Variants in AUTS2 observed in about 807,000 individuals in gnomAD.
The protein encoded by AUTS2 is autism susceptibility gene 2 protein.
In AUTS2, 17 loss-of-function variants were observed where a neutral mutation model predicts 112.4. That is an observed-to-expected ratio of 0.15 (90% CI 0.10 to 0.23). The LOEUF (loss-of-function observed/expected upper bound fraction) is 0.23, where lower values mean the gene tolerates loss of function less well. Ranked by LOEUF, AUTS2 falls within the 10% of genes least tolerant of loss-of-function variation. The pLI is 1.00. For missense variants in AUTS2, 1,510 were observed against 1,701.6 expected, an observed-to-expected ratio of 0.89 and a Z score of 1.98; for synonymous variants, 751 against 702.7, an observed-to-expected ratio of 1.07 and a Z score of -1.09.
At chr7:70,226,338 C>T (rs994776525) in intron 4 of AUTS2, among the ~76,000 whole-genome samples, 1 of 150,640 alleles carries the variant, frequency 6.6e-6, no homozygotes, top group South Asian at 2.1e-4. Context: ...GGACTACAGG[C>T]GCCCACCACC....
intron 5 of AUTS2, among the ~76,000 whole-genome samples, chr7:70,463,141 G>T (rs1444649917): frequency 6.6e-6 from 1 of 152,194 alleles, no homozygotes; most frequent in Non-Finnish European, 1.5e-5. Context: ...CTGTTTCAGG[G>T]CAGTGAGCTG....
chr7:69,693,959 ACTGTG>A (rs1487054136), intron 1 of AUTS2, among the ~76,000 whole-genome samples: 4 of 152,182 alleles, frequency 2.6e-5, no homozygotes, highest in Non-Finnish European at 5.9e-5. Context: ...GGGAACCACT[ACTGTG>A]GTCTTTACAC....
intron 2 of AUTS2, among the ~76,000 whole-genome samples, chr7:69,940,653 A>G (rs567648225): frequency 6.6e-6 from 1 of 152,282 alleles, no homozygotes; most frequent in South Asian, 2.1e-4. Context: ...TAACATGATG[A>G]GATGTAAGCT....
chr7:69,900,973 T>G (rs1273452474), intron 2 of AUTS2, among the ~76,000 whole-genome samples: 1 of 152,210 alleles, frequency 6.6e-6, no homozygotes, highest in Non-Finnish European at 1.5e-5. Flanking sequence ...TCATGGTTAC[T>G]TAACAGCTAT....
chr7:70,145,835 TC>T (rs923315562), intron 4 of AUTS2, among the ~76,000 whole-genome samples: 21 of 152,154 alleles, frequency 1.4e-4, no homozygotes, highest in African/African-American at 4.6e-4. Flanking sequence ...ACCACGCTTC[TC>T]TTTGAAGAGG....
intron 2 of AUTS2, among the ~76,000 whole-genome samples, chr7:70,079,669 A>T (rs183379700): frequency 8.7e-4 from 133 of 152,208 alleles, no homozygotes; most frequent in East Asian, 7.5e-3. Flanking sequence ...CTACAAAATG[A>T]TGTGTTATTG....
intron 4 of AUTS2, among the ~76,000 whole-genome samples, chr7:70,419,737 T>C (rs1795136775): frequency 6.6e-6 from 1 of 152,220 alleles, no homozygotes; most frequent in Non-Finnish European, 1.5e-5. Context: ...CCTCCAGAAG[T>C]ATATGAGTGT....
rs189932887 is a variant in AUTS2, at chr7:70,735,549, A to G, written c.743-27321A>G. ...GACCGCGAGGAGAGTTTTCTTCCGA[A>G]TCAAGTGAATGCGGGTGCATCACCC... On this transcript the variant is annotated intron_variant, in intron 6 of 18. Transcript: ENST00000342771. Among the ~76,000 whole-genome samples the G allele has an allele frequency of 2.6e-5, 4 of 152,246 alleles. No homozygotes were observed. In the East Asian group the frequency reaches 7.7e-4, roughly 29 times the overall value.
intron 2 of AUTS2, among the ~76,000 whole-genome samples, chr7:70,097,128 T>C (rs1338736732): frequency 6.6e-6 from 1 of 152,240 alleles, no homozygotes; most frequent in Non-Finnish European, 1.5e-5. Context: ...GAATATGATA[T>C]AAGAACAGTC....
intron 2 of AUTS2, among the ~76,000 whole-genome samples, chr7:69,960,654 A>T (rs536152476): frequency 6.6e-6 from 1 of 152,308 alleles, no homozygotes; most frequent in East Asian, 1.9e-4. Flanking sequence ...TGTTGGAGAG[A>T]TGAACATGCA....
intron 5 of AUTS2, chr7:70,693,933 C>G (rs1189471314): frequency 6.6e-6 from 1 of 151,980 alleles, no homozygotes; most frequent in Non-Finnish European, 1.5e-5. Flanking sequence ...TCCGCTGGGC[C>G]GACCCGGCGC....
intron 2 of AUTS2, among the ~76,000 whole-genome samples, chr7:69,937,965 C>T (rs536783979): frequency 6.6e-6 from 1 of 152,280 alleles, no homozygotes. Context: ...TAGGAGACAG[C>T]ATGATGAGAG....
intron 2 of AUTS2, among the ~76,000 whole-genome samples, chr7:70,081,965 T>TGTGCGTGC (rs1018968486): frequency 7.8e-6 from 1 of 128,016 alleles, no homozygotes; most frequent in South Asian, 2.5e-4. Flanking sequence ...TGTGTGTGTG[T>TGTGCGTGC]GCGCGCGCCT....
chr7:69,815,989 G>T (rs60739014), intron 1 of AUTS2, among the ~76,000 whole-genome samples: 38,172 of 152,126 alleles, frequency 0.25, 4,825 homozygotes, highest in Middle Eastern at 0.34. Context: ...TTGGGTGACT[G>T]TCAGTATGAA....
chr7:69,732,159 G>T (rs996782545), intron 1 of AUTS2, among the ~76,000 whole-genome samples: 1 of 152,060 alleles, frequency 6.6e-6, no homozygotes, highest in Non-Finnish European at 1.5e-5. Flanking sequence ...TAGTTGTCAT[G>T]CTGGGTGCTG....
At chr7:70,339,500 C>T (rs187829291) in intron 4 of AUTS2, among the ~76,000 whole-genome samples, 11 of 152,264 alleles carry the variant, frequency 7.2e-5, no homozygotes, top group Admixed American at 7.2e-4. Flanking sequence ...CTCTCCACTT[C>T]GGGGTCATCT....
chr7:70,260,692 T>C (rs1787123534), intron 4 of AUTS2, among the ~76,000 whole-genome samples: 1 of 152,078 alleles, frequency 6.6e-6, no homozygotes, highest in Non-Finnish European at 1.5e-5. Flanking sequence ...GTCCCACTCC[T>C]AGGTATTTAC....
At chr7:69,872,679 C>A (rs1384344307) in intron 1 of AUTS2, among the ~76,000 whole-genome samples, 1 of 151,550 alleles carries the variant, frequency 6.6e-6, no homozygotes, top group Admixed American at 6.6e-5. Flanking sequence ...TCCTGTGGTC[C>A]ATTGCAACCA....
At chr7:69,678,022 T>C (rs1261420002) in intron 1 of AUTS2, among the ~76,000 whole-genome samples, 1 of 152,078 alleles carries the variant, frequency 6.6e-6, no homozygotes, top group East Asian at 1.9e-4. Flanking sequence ...GCTCTTGGGG[T>C]AAGGTTGGCA....
Sources: gnomAD v4.1 joint callset for allele counts (sites outside exome capture counted in the v4.1 genomes callset) on GRCh38, gnomAD v4.1.1 for gene constraint, MANE v1.5 for transcripts, NCBI Gene and HGNC (gene_info 2026-07-23, HGNC 2026-07-21) for gene names.